Variants in DCDC2 observed in about 807,000 individuals in gnomAD.
The protein encoded by DCDC2 is doublecortin domain containing 2.
A neutral mutation model predicts 50.2 loss-of-function variants in DCDC2; 40 were observed. The ratio of observed to expected loss-of-function variants is 0.80; its 90% confidence interval spans 0.62 to 1.04. The LOEUF (loss-of-function observed/expected upper bound fraction) is 1.04. DCDC2 is among the 50% of genes least tolerant of loss of function. The pLI, the probability that DCDC2 is intolerant of heterozygous loss-of-function variation, is 0.00. For missense variants in DCDC2, 570 were observed against 581.9 expected, an observed-to-expected ratio of 0.98 and a Z score of 0.21; for synonymous variants, 234 against 210.6, an observed-to-expected ratio of 1.11 and a Z score of -0.96.
At chr6:24,229,768 C>G (rs747189801) in intron 7 of DCDC2, among the ~76,000 whole-genome samples, 13 of 152,248 alleles carry the variant, frequency 8.5e-5, no homozygotes, top group Non-Finnish European at 1.8e-4. Flanking sequence ...TTTATGCTTA[C>G]ATTATTTTAT....
At chr6:24,382,742 A>C in the DCDC2 span, among the ~76,000 whole-genome samples, 1 of 152,202 alleles carries the variant, frequency 6.6e-6, no homozygotes, top group Non-Finnish European at 1.5e-5. Flanking sequence ...ACCTCAGAAC[A>C]AAGTATTCTT....
At chr6:24,353,927 A>T (rs1436029166) in intron 1 of DCDC2, among the ~76,000 whole-genome samples, 1 of 152,162 alleles carries the variant, frequency 6.6e-6, no homozygotes, top group African/African-American at 2.4e-5. Flanking sequence ...ATATTCTTAC[A>T]GATTTGATTT....
intron 7 of DCDC2, among the ~76,000 whole-genome samples, chr6:24,208,422 G>A (rs1761774608): frequency 7.1e-6 from 1 of 141,302 alleles, no homozygotes; most frequent in African/African-American, 2.7e-5. Context: ...CCAGGCTGGA[G>A]TGCAGTGGCG....
At chr6:24,356,313 C>A (rs1171897016) in intron 1 of DCDC2, among the ~76,000 whole-genome samples, 1 of 152,124 alleles carries the variant, frequency 6.6e-6, no homozygotes, top group Non-Finnish European at 1.5e-5. Context: ...GACATAAAGA[C>A]CATATACCGT....
intron 2 of DCDC2, among the ~76,000 whole-genome samples, chr6:24,343,106 G>T (rs1760192417): frequency 6.8e-6 from 1 of 147,902 alleles, no homozygotes; most frequent in Admixed American, 6.8e-5. Flanking sequence ...ATACTGCAGT[G>T]GTGTGATCTC....
chr6:24,265,147 G>C (rs1048219981), intron 7 of DCDC2, among the ~76,000 whole-genome samples: 5 of 151,236 alleles, frequency 3.3e-5, no homozygotes, highest in African/African-American at 1.2e-4. Context: ...CAACAAAAAA[G>C]AAAAAAAGAA....
intron 8 of DCDC2, among the ~76,000 whole-genome samples, chr6:24,189,081 T>C (rs936922927): frequency 2.6e-5 from 4 of 152,190 alleles, no homozygotes; most frequent in African/African-American, 9.6e-5. Context: ...GTACCAGCTT[T>C]TCTCCTCGAC....
chr6:24,206,176 C>G (rs544763915), intron 7 of DCDC2, among the ~76,000 whole-genome samples: 1 of 151,970 alleles, frequency 6.6e-6, no homozygotes, highest in Non-Finnish European at 1.5e-5. Context: ...TGTTGAGGAC[C>G]AATTATATGC....
upstream of DCDC2, among the ~76,000 whole-genome samples, chr6:24,362,903 G>T (rs765759791): frequency 7.2e-5 from 11 of 152,184 alleles, no homozygotes; most frequent in Non-Finnish European, 1.3e-4. Context: ...GATGCTTGCT[G>T]AATTGGTTTT....
chr6:24,235,138 A>G (rs1474244573), intron 7 of DCDC2, among the ~76,000 whole-genome samples: 2 of 152,208 alleles, frequency 1.3e-5, no homozygotes, highest in Non-Finnish European at 2.9e-5. Context: ...AAAAACTTGA[A>G]TTTTACTCAT....
rs1329237344 is a variant in DCDC2 at position 24,353,296 on chromosome 6, G to A, written c.348+273C>T. ...CTCACTTGACAGGGAACCTTCCCAT[G>A]GATTTCAATCAGAGAACATGTAGCT... On this transcript the variant is annotated intron_variant, in intron 2 of 9. Transcript: ENST00000378454. 3 of 510,628 alleles carry A rather than the reference G, an allele frequency of 5.9e-6. No homozygotes were observed. The Admixed American group carries it at 6.9e-5, about 12-fold the overall frequency. 31.6% of individuals were successfully genotyped at this position (510,628 alleles called of 1,614,324 possible).
intron 7 of DCDC2, among the ~76,000 whole-genome samples, chr6:24,223,342 T>C (rs900428109): frequency 3.9e-5 from 6 of 152,238 alleles, no homozygotes; most frequent in Admixed American, 1.3e-4. Context: ...TAGGAGAGGC[T>C]GACATTTCTG....
rs1198383479 is a variant in DCDC2, at chr6:24,278,215, A to T, written c.760-4T>A. ...ACTTAGAGTGGCGATCATTTCCCTA[A>T]ATGGCAAAGTATTAGACCCTTATTA... is the stretch of plus-strand genomic sequence containing the variant. On this transcript the variant is annotated splice_polypyrimidine_tract_variant and splice_region_variant and intron_variant, in intron 6 of 9. Transcript: ENST00000378454. 5.0e-6 allele frequency: 8 copies of T among 1,606,078 alleles called. No individual in the cohort carries two copies. Among genetic ancestry groups the T allele is most frequent in the Non-Finnish European group, 6.8e-6 (8 of 1,177,796 alleles).
chr6:24,319,324 G>A (rs1759731017), intron 2 of DCDC2, among the ~76,000 whole-genome samples: 1 of 150,442 alleles, frequency 6.6e-6, no homozygotes, highest in Non-Finnish European at 1.5e-5. Flanking sequence ...TTGAGTCCTT[G>A]TAAATTTGGA....
chr6:24,317,621 G>C (rs545359101), intron 2 of DCDC2, among the ~76,000 whole-genome samples: 2 of 151,960 alleles, frequency 1.3e-5, no homozygotes, highest in African/African-American at 4.8e-5. Context: ...CATATCCAGA[G>C]GCAATAAGCT....
At chr6:24,341,517 T>TA (rs1279783992) in intron 2 of DCDC2, among the ~76,000 whole-genome samples, 152 of 128,548 alleles carry the variant, frequency 1.2e-3, no homozygotes, top group Middle Eastern at 3.8e-3. Flanking sequence ...CTACCTTTTT[T>TA]TAAAAAAAAA....
chr6:24,291,318 G>A (rs1763739329), intron 4 of DCDC2, among the ~76,000 whole-genome samples: 1 of 152,096 alleles, frequency 6.6e-6, no homozygotes, highest in Admixed American at 6.5e-5. Flanking sequence ...TTGCTGTACA[G>A]GGTTTCACCC....
intron 2 of DCDC2, among the ~76,000 whole-genome samples, chr6:24,337,671 G>A (rs538558080): frequency 9.0e-4 from 137 of 151,956 alleles, no homozygotes; most frequent in Non-Finnish European, 1.8e-3. Context: ...GGTGATGCGT[G>A]CCTGTGATCC....
At chr6:24,244,045 T>C (rs1762620197) in intron 7 of DCDC2, among the ~76,000 whole-genome samples, 1 of 152,222 alleles carries the variant, frequency 6.6e-6, no homozygotes, top group Non-Finnish European at 1.5e-5. Context: ...TAAAGACTAC[T>C]CACCTCCTAA....
Sources: gnomAD v4.1 joint callset for allele counts (sites outside exome capture counted in the v4.1 genomes callset) on GRCh38, gnomAD v4.1.1 for gene constraint, MANE v1.5 for transcripts, NCBI Gene and HGNC (gene_info 2026-07-23, HGNC 2026-07-21) for gene names.